The following CNTNAP2 variants were observed in gnomAD, a reference collection of about 807,000 sequenced individuals.
The protein encoded by CNTNAP2 is contactin associated protein 2, also known as contactin-associated protein-like 2.
Under a neutral mutation model 155.2 loss-of-function variants are expected in CNTNAP2, and 98 were observed. The observed-to-expected ratio is 0.63, with a 90% CI of 0.54 to 0.75. The LOEUF is 0.75. Among genes scored for constraint, CNTNAP2 ranks in the 30% least tolerant of loss-of-function variants. CNTNAP2 has a pLI of 0.00. For missense variants in CNTNAP2, 1,727 were observed against 1,688.1 expected (o/e 1.02, Z -0.40); for synonymous variants, 651 against 631.2 (o/e 1.03, Z -0.47).
At chr7:146,260,924 A>C (rs1031266428) in intron 1 of CNTNAP2, among the ~76,000 whole-genome samples, 1 of 152,152 alleles carries the variant, frequency 6.6e-6, no homozygotes, top group Non-Finnish European at 1.5e-5. Flanking sequence ...CTGTGTTCCC[A>C]CCCAAATCTC....
intron 10 of CNTNAP2, among the ~76,000 whole-genome samples, chr7:147,472,343 G>T (rs1254263011): frequency 6.6e-6 from 1 of 151,272 alleles, no homozygotes; most frequent in Admixed American, 6.6e-5. Context: ...CTCCTGTGTA[G>T]CTGGGATTAC....
intron 9 of CNTNAP2, among the ~76,000 whole-genome samples, chr7:147,367,339 G>T (rs1796250439): frequency 6.6e-6 from 1 of 152,132 alleles, no homozygotes; most frequent in Non-Finnish European, 1.5e-5. Context: ...CGAGTGTTTG[G>T]CAGCTGTTGT....
intron 1 of CNTNAP2, among the ~76,000 whole-genome samples, chr7:146,349,828 C>T (rs931498919): frequency 5.9e-5 from 9 of 152,066 alleles, no homozygotes; most frequent in African/African-American, 1.4e-4. Context: ...GAGTTTCTAC[C>T]GAGAGATCCG....
At chr7:147,864,203 GT>G (rs1275306407) in intron 13 of CNTNAP2, among the ~76,000 whole-genome samples, 2 of 152,074 alleles carry the variant, frequency 1.3e-5, no homozygotes, top group South Asian at 2.1e-4. Flanking sequence ...CCCATTTCTT[GT>G]TTTTGTCAGG....
intron 8 of CNTNAP2, among the ~76,000 whole-genome samples, chr7:147,284,766 G>A (rs1805139569): frequency 6.6e-6 from 1 of 151,868 alleles, no homozygotes; most frequent in Admixed American, 6.6e-5. Flanking sequence ...CAAAAGGGCA[G>A]TTGACACTCA....
intron 14 of CNTNAP2, among the ~76,000 whole-genome samples, chr7:147,917,603 T>C (rs1451696855): frequency 6.6e-6 from 1 of 152,222 alleles, no homozygotes; most frequent in African/African-American, 2.4e-5. Flanking sequence ...GCTGGAACTT[T>C]AGTTAACCAC....
chr7:148,137,114 T>G (rs1289724233), intron 16 of CNTNAP2, among the ~76,000 whole-genome samples: 3 of 152,216 alleles, frequency 2.0e-5, no homozygotes, highest in African/African-American at 7.2e-5. Flanking sequence ...CTAACTCTTC[T>G]ACAACTTTAA....
At chr7:147,305,969 C>CCTCCCCTTT (rs1795018397) in intron 9 of CNTNAP2, among the ~76,000 whole-genome samples, 2 of 152,270 alleles carry the variant, frequency 1.3e-5, no homozygotes, top group Middle Eastern at 3.4e-3. Flanking sequence ...CACATAGTCT[C>CCTCCCCTTT]CTCCCCTTTG....
At chr7:146,794,449 T>C (rs1314965801) in intron 2 of CNTNAP2, among the ~76,000 whole-genome samples, 1 of 152,150 alleles carries the variant, frequency 6.6e-6, no homozygotes, top group Non-Finnish European at 1.5e-5. Context: ...TCATTAAAAA[T>C]AAAAATCATT....
At chr7:146,276,073 C>G (rs1050762084) in intron 1 of CNTNAP2, among the ~76,000 whole-genome samples, 1 of 152,178 alleles carries the variant, frequency 6.6e-6, no homozygotes, top group African/African-American at 2.4e-5. Flanking sequence ...TGCAAACATG[C>G]TAACCACATT....
intron 13 of CNTNAP2, chr7:147,704,630 T>G (rs1796282848): frequency 6.5e-6 from 1 of 153,296 alleles, no homozygotes; most frequent in Admixed American, 6.5e-5. Context: ...TTCTTCAGTC[T>G]TTGGACGGTA....
intron 8 of CNTNAP2, among the ~76,000 whole-genome samples, chr7:147,287,129 CGGGCAAGT>C (rs1805197838): frequency 6.6e-6 from 1 of 152,002 alleles, no homozygotes; most frequent in Non-Finnish European, 1.5e-5. Flanking sequence ...AAATATAGCA[CGGGCAAGT>C]GGGAATTTAT....
intron 15 of CNTNAP2, among the ~76,000 whole-genome samples, chr7:148,006,470 C>T (rs1453959558): frequency 6.6e-6 from 1 of 151,720 alleles, no homozygotes; most frequent in Admixed American, 6.6e-5. Flanking sequence ...CAAGCATGCG[C>T]CACCACGCCT....
chr7:148,219,213 T>G (rs1795698704), intron 19 of CNTNAP2, among the ~76,000 whole-genome samples: 1 of 152,172 alleles, frequency 6.6e-6, no homozygotes, highest in Non-Finnish European at 1.5e-5. Flanking sequence ...GTGCTGGGAT[T>G]ACTGGTGTGA....
At chr7:148,287,272 T>C (rs907636916) in intron 21 of CNTNAP2, among the ~76,000 whole-genome samples, 1 of 152,228 alleles carries the variant, frequency 6.6e-6, no homozygotes, top group African/African-American at 2.4e-5. Context: ...TTTTGATTGA[T>C]AAATAATATT....
At chr7:146,870,090 C>A (rs932834638) in intron 3 of CNTNAP2, among the ~76,000 whole-genome samples, 1 of 151,962 alleles carries the variant, frequency 6.6e-6, no homozygotes, top group African/African-American at 2.4e-5. Flanking sequence ...AGATGCTGGC[C>A]TCATAGAATG....
chr7:147,858,534 G>A (rs1329899134), intron 13 of CNTNAP2, among the ~76,000 whole-genome samples: 1 of 152,224 alleles, frequency 6.6e-6, no homozygotes, highest in Admixed American at 6.5e-5. Flanking sequence ...AGATTGAATT[G>A]TGTCACTGCC....
chr7:147,953,682 C>T (rs1563146882), intron 14 of CNTNAP2, among the ~76,000 whole-genome samples: 1 of 152,136 alleles, frequency 6.6e-6, no homozygotes, highest in African/African-American at 2.4e-5. Flanking sequence ...CAAAAATTTA[C>T]TCTCTCAAGG....
intron 1 of CNTNAP2, among the ~76,000 whole-genome samples, chr7:146,359,954 A>G (rs1186306896): frequency 1.3e-5 from 2 of 152,160 alleles, no homozygotes; most frequent in African/African-American, 2.4e-5. Context: ...TTGATTTATA[A>G]ATCTGAAAAA....
Sources: allele counts gnomAD v4.1 joint callset (sites outside exome capture counted in the v4.1 genomes callset), GRCh38; gene constraint gnomAD v4.1.1; transcripts MANE v1.5; gene names NCBI Gene and HGNC (gene_info 2026-07-23, HGNC 2026-07-21).